Variants in AJAP1 observed in about 807,000 individuals in gnomAD.
AJAP1 encodes adherens junction-associated protein 1.
In AJAP1, 5 loss-of-function variants were observed where a neutral mutation model predicts 35.0. The ratio of observed to expected loss-of-function variants is 0.14; its 90% confidence interval spans 0.07 to 0.30. AJAP1 has a LOEUF of 0.30. Among genes scored for constraint, AJAP1 ranks in the 10% least tolerant of loss-of-function variants. The probability of loss-of-function intolerance (pLI) is 1.00; values close to 1 mark genes in which losing one functional copy is unlikely to be tolerated. For synonymous variants in AJAP1, 284 were observed against 249.3 expected (o/e 1.14, Z -1.31); for missense variants, 586 against 571.0 (o/e 1.03, Z -0.27).
chr1:4,690,821 G>C (rs17344980), intron 1 of AJAP1, among the ~76,000 whole-genome samples: 7,256 of 152,292 alleles, frequency 0.048, 233 homozygotes, highest in Non-Finnish European at 0.076. Context: ...CTCGGCCGCT[G>C]GTGCCTGAGC....
chr1:4,679,219 C>T (rs1470541969), intron 1 of AJAP1, among the ~76,000 whole-genome samples: 1 of 152,176 alleles, frequency 6.6e-6, no homozygotes, highest in East Asian at 1.9e-4. Flanking sequence ...CTTGACAGTA[C>T]TCATCACCAT....
At chr1:4,710,592 C>T (rs563747965) in intron 1 of AJAP1, among the ~76,000 whole-genome samples, 1 of 152,398 alleles carries the variant, frequency 6.6e-6, no homozygotes, top group East Asian at 1.9e-4. Flanking sequence ...TCTACCCAAC[C>T]TGCTTTCCAG....
intron 2 of AJAP1, among the ~76,000 whole-genome samples, chr1:4,726,454 G>T (rs1242010685): frequency 1.3e-5 from 2 of 152,170 alleles, no homozygotes; most frequent in African/African-American, 4.8e-5. Context: ...GGAGTTGTGG[G>T]GAGTGGGAGG....
intron 1 of AJAP1, among the ~76,000 whole-genome samples, chr1:4,710,167 CAG>C (rs762845389): frequency 1.2e-4 from 12 of 103,284 alleles, no homozygotes; most frequent in East Asian, 5.7e-4. Flanking sequence ...TACTCTCACA[CAG>C]ACACACTCAC....
chr1:4,690,814 G>A (rs186893916), intron 1 of AJAP1, among the ~76,000 whole-genome samples: 3 of 152,264 alleles, frequency 2.0e-5, no homozygotes, highest in African/African-American at 4.8e-5. Flanking sequence ...GCCTCCACTC[G>A]GCCGCTGGTG....
At chr1:4,730,503 C>T (rs890207498) in intron 2 of AJAP1, among the ~76,000 whole-genome samples, 6 of 152,144 alleles carry the variant, frequency 3.9e-5, no homozygotes, top group Admixed American at 1.3e-4. Flanking sequence ...CAACACAAGC[C>T]GCTGCCTCTG....
At position 4,789,377 on chromosome 1, in the gene AJAP1, C is replaced by T. The variant is rs1642217544; in HGVS notation, c.*6892C>T. 6.6e-6 allele frequency: 1 copy of T among 152,214 alleles called. No homozygotes were observed. The allele number at this position is 152,214 out of a possible 1,614,324, so 9.4% of individuals were successfully genotyped here. On this transcript the variant is annotated 3_prime_UTR_variant, in exon 6 of 6. Coordinates refer to ENST00000378191, the MANE Select transcript of AJAP1 (RefSeq NM_018836.4). The surrounding 1 kb of genome is among the most constrained non-coding windows in gnomAD (Gnocchi z 4.4). Reference sequence around the variant, plus strand: ...TATCTTGGATTCCATAGTAAAACATCTGTTAAGTAACATGCGGCAGGAAAG... The same window carrying T: ...TATCTTGGATTCCATAGTAAAACATTTGTTAAGTAACATGCGGCAGGAAAG...
At chr1:4,758,457 G>A (rs180735185) in intron 2 of AJAP1, among the ~76,000 whole-genome samples, 8 of 152,292 alleles carry the variant, frequency 5.3e-5, no homozygotes, top group African/African-American at 7.2e-5. Flanking sequence ...AGAAGTTGAC[G>A]AGGAAGCAAG....
At chr1:4,663,195 T>C (rs1639041325) in intron 1 of AJAP1, among the ~76,000 whole-genome samples, 1 of 152,158 alleles carries the variant, frequency 6.6e-6, no homozygotes, top group Non-Finnish European at 1.5e-5. Flanking sequence ...CCCAGGCTGG[T>C]CTCAAATGCC....
At chr1:4,726,086 T>C (rs1425928925) in intron 2 of AJAP1, among the ~76,000 whole-genome samples, 1 of 152,074 alleles carries the variant, frequency 6.6e-6, no homozygotes, top group Non-Finnish European at 1.5e-5. Context: ...CCTGGAGTCC[T>C]TGCGGGATGG....
rs114657858 is a variant in AJAP1 at position 4,734,178 on chromosome 1, G to A, written c.829+21479G>A. 0.017 allele frequency among the ~76,000 whole-genome samples: 2,561 copies of A among 152,322 alleles called. 63 individuals carry two copies. Among genetic ancestry groups the A allele is most frequent in the South Asian group, 0.11 (518 of 4,816 alleles). ...AACCCATGCACTTGTTCTGTGTGGA[G>A]GAAGAGAGGCACCCGCTCAGATGCT... On this transcript the variant is annotated intron_variant, in intron 2 of 5. Coordinates refer to ENST00000378191, the MANE Select transcript of AJAP1 (RefSeq NM_018836.4). The surrounding 1 kb of genome is among the most constrained non-coding windows in gnomAD (Gnocchi z 4.3).
chr1:4,709,880 T>A (rs1187820052), intron 1 of AJAP1, among the ~76,000 whole-genome samples: 3 of 152,192 alleles, frequency 2.0e-5, no homozygotes, highest in Admixed American at 2.0e-4. Context: ...TAATTAGCAC[T>A]CATTAGCAAG....
intron 1 of AJAP1, among the ~76,000 whole-genome samples, chr1:4,663,919 G>A (rs1257035824): frequency 6.6e-6 from 1 of 152,126 alleles, no homozygotes; most frequent in African/African-American, 2.4e-5. Context: ...GGGAGGCCTG[G>A]GTGCGGGGCT....
intron 2 of AJAP1, among the ~76,000 whole-genome samples, chr1:4,755,192 T>C (rs1641401424): frequency 6.6e-6 from 1 of 152,182 alleles, no homozygotes; most frequent in Non-Finnish European, 1.5e-5. Context: ...TATTTATCTG[T>C]TTATTGTTTT....
chr1:4,683,553 C>CGA (rs1335137797), intron 1 of AJAP1, among the ~76,000 whole-genome samples: 3 of 152,230 alleles, frequency 2.0e-5, no homozygotes, highest in Non-Finnish European at 4.4e-5. Context: ...TGACCTCAGA[C>CGA]ATTCAGGAAA....
chr1:4,778,563 T>C (rs1641982912), intron 5 of AJAP1, among the ~76,000 whole-genome samples: 1 of 138,194 alleles, frequency 7.2e-6, no homozygotes, highest in Admixed American at 7.4e-5. Flanking sequence ...AGGTGCAGGA[T>C]TGGCGCCATC....
At chr1:4,776,061 A>G (rs394594) in intron 5 of AJAP1, among the ~76,000 whole-genome samples, 120,972 of 152,246 alleles carry the variant, frequency 0.79, 48,447 homozygotes, top group Middle Eastern at 0.85. Flanking sequence ...TGGGAGATGC[A>G]AGGCCTTAGA....
rs565056135 is a variant in AJAP1 at position 4,750,310 on chromosome 1, A to C, written c.830-19543A>C. On this transcript the variant is annotated intron_variant, in intron 2 of 5. Coordinates refer to ENST00000378191, the MANE Select transcript of AJAP1 (RefSeq NM_018836.4). ...CCTAAGGGGATGTGGAGGTGTGAAC[A>C]TACTTCTCGCTGCCAATGCTGGAAG... Among the ~76,000 whole-genome samples the C allele has an allele frequency of 2.0e-5, 3 of 152,342 alleles. No individual in the cohort carries two copies. The East Asian group carries it at 5.8e-4, about 29-fold the overall frequency.
chr1:4,658,647 C>T (rs113474109), intron 1 of AJAP1, among the ~76,000 whole-genome samples: 7 of 152,266 alleles, frequency 4.6e-5, no homozygotes, highest in African/African-American at 1.7e-4. Flanking sequence ...CTTTGGGCAA[C>T]ATCGGTACAT....
Sources: gnomAD v4.1 joint callset for allele counts (sites outside exome capture counted in the v4.1 genomes callset) on GRCh38, gnomAD v4.1.1 for gene constraint, Gnocchi (gnomAD v3.1) non-coding constraint, MANE v1.5 for transcripts, NCBI Gene and HGNC (gene_info 2026-07-23, HGNC 2026-07-21) for gene names.